The following CDK14 variants were observed in gnomAD, a reference collection of about 807,000 sequenced individuals.
The protein encoded by CDK14 is cyclin dependent kinase 14.
Under a neutral mutation model 60.7 loss-of-function variants are expected in CDK14, and 34 were observed. The observed-to-expected ratio is 0.56, with a 90% confidence interval of 0.43 to 0.75. The LOEUF (loss-of-function observed/expected upper bound fraction) is 0.75, where lower values mean the gene tolerates loss of function less well. CDK14 is among the 30% of genes least tolerant of loss of function. The pLI is 0.00. For synonymous variants in CDK14, 197 were observed against 203.7 expected, an observed-to-expected ratio of 0.97 and a Z score of 0.28; for missense variants, 482 against 564.1, an observed-to-expected ratio of 0.85 and a Z score of 1.47.
At chr7:91,112,903 A>G (rs760462501) in intron 13 of CDK14, among the ~76,000 whole-genome samples, 3 of 151,818 alleles carry the variant, frequency 2.0e-5, no homozygotes, top group Non-Finnish European at 2.9e-5. Context: ...CCATGTGTAT[A>G]TATATTTAGT....
intron 14 of CDK14, among the ~76,000 whole-genome samples, chr7:91,206,098 T>G (rs769716790): frequency 2.0e-5 from 3 of 152,032 alleles, no homozygotes; most frequent in Non-Finnish European, 2.9e-5. Flanking sequence ...CCGGCCACTA[T>G]TTTAATGGTT....
chr7:90,900,466 T>A (rs1011196908), intron 7 of CDK14, among the ~76,000 whole-genome samples: 2 of 152,198 alleles, frequency 1.3e-5, no homozygotes, highest in African/African-American at 4.8e-5. Context: ...TTTATTAATC[T>A]TGTCTATGTT....
In CDK14 at chr7:90,955,718, T is replaced by C; in HGVS notation, c.848T>C (p.Val283Ala). 1 of 1,613,408 alleles carries C rather than the reference T, an allele frequency of 6.2e-7. No homozygotes were observed. The highest frequency in any genetic ancestry group is 8.5e-7 in the Non-Finnish European group (1 of 1,179,422). The change falls in exon 9 of 15, where the codon GTC (valine) becomes GCC (alanine). Residue 283 changes from valine (V) to alanine (A), a missense_variant. Coordinates refer to ENST00000380050, the MANE Select transcript of CDK14 (RefSeq NM_001287135.2). ...ADFGLARAKSVPSHTYSNEVV... is the reference protein window; with the variant it reads ...ADFGLARAKSAPSHTYSNEVV... ...ACAGGTCTTGCAAGAGCAAAATCCG[T>C]CCCTAGCCACACATACTCCAACGAA...
intron 5 of CDK14, among the ~76,000 whole-genome samples, chr7:90,846,663 C>T (rs1484423739): frequency 6.6e-6 from 1 of 152,136 alleles, no homozygotes; most frequent in African/African-American, 2.4e-5. Context: ...TAGGTTAGGA[C>T]CAGGATCAGG....
rs544100085 is a variant in CDK14, at chr7:91,061,154, C to G, written c.1105+15194C>G. Among the ~76,000 whole-genome samples, 27 of 152,292 alleles carry G rather than the reference C, an allele frequency of 1.8e-4. No individual in the cohort carries two copies. The East Asian group carries it at 2.5e-3, about 14-fold the overall frequency. On this transcript the variant is annotated intron_variant, in intron 11 of 14. Coordinates refer to ENST00000380050, the MANE Select transcript of CDK14 (RefSeq NM_001287135.2). Reference sequence around the variant, plus strand: ...TCTTGCCTCATTTCATTCATTTGATCTTCAGTCACTGATACCCTTTCTTCC... The same window carrying G: ...TCTTGCCTCATTTCATTCATTTGATGTTCAGTCACTGATACCCTTTCTTCC...
chr7:90,878,168 A>G (rs1348773247), intron 6 of CDK14, among the ~76,000 whole-genome samples: 1 of 152,074 alleles, frequency 6.6e-6, no homozygotes, highest in Non-Finnish European at 1.5e-5. Flanking sequence ...AAACTGTCTT[A>G]TAGAGTATAT....
At chr7:90,851,484 A>G (rs899083592) in intron 5 of CDK14, among the ~76,000 whole-genome samples, 9 of 152,274 alleles carry the variant, frequency 5.9e-5, no homozygotes, top group African/African-American at 1.7e-4. Context: ...GATGTTTGCC[A>G]TAGCTCTCAG....
intron 10 of CDK14, among the ~76,000 whole-genome samples, chr7:91,033,510 C>G (rs1270837559): frequency 1.3e-5 from 2 of 152,140 alleles, no homozygotes; most frequent in African/African-American, 2.4e-5. Flanking sequence ...TGTAAACCAC[C>G]TGGGGTTCTT....
chr7:91,057,063 A>C (rs1797596064), intron 11 of CDK14, among the ~76,000 whole-genome samples: 2 of 152,110 alleles, frequency 1.3e-5, no homozygotes, highest in Non-Finnish European at 2.9e-5. Flanking sequence ...CATCCTCTCC[A>C]GCACCTGTTG....
chr7:90,760,982 C>A (rs575789883), intron 4 of CDK14, among the ~76,000 whole-genome samples: 1 of 152,178 alleles, frequency 6.6e-6, no homozygotes, highest in Non-Finnish European at 1.5e-5. Flanking sequence ...TCAGCCCTGA[C>A]GTCCTTTAGA....
intron 5 of CDK14, among the ~76,000 whole-genome samples, chr7:90,829,619 C>T (rs899555985): frequency 6.6e-6 from 1 of 151,870 alleles, no homozygotes; most frequent in African/African-American, 2.4e-5. Flanking sequence ...GCAACCTCCG[C>T]CCCCCCAGGT....
chr7:91,113,213 C>T (rs1211539689), intron 13 of CDK14, among the ~76,000 whole-genome samples: 3 of 152,170 alleles, frequency 2.0e-5, no homozygotes, highest in African/African-American at 7.2e-5. Flanking sequence ...TGCTATGCAG[C>T]GAGCTGAGGA....
At chr7:90,999,769 C>A (rs770680875) in intron 10 of CDK14, among the ~76,000 whole-genome samples, 1 of 152,056 alleles carries the variant, frequency 6.6e-6, no homozygotes, top group African/African-American at 2.4e-5. Context: ...AATGCGATAC[C>A]GTATTATCAT....
Position 90,616,996 on chromosome 7 carries a change from A to G in CDK14, c.123+12747A>G, listed in dbSNP as rs139460589. 1.4e-4 allele frequency among the ~76,000 whole-genome samples: 22 copies of G among 151,980 alleles called. No homozygotes were observed. In the East Asian group the frequency reaches 3.9e-3, roughly 27 times the overall value. Reference sequence around the variant, plus strand: ...GGTGGACTTTTTTTTCAGCTTCAAAACCTTACCTCTTATCACAATTACATG... The same window carrying G: ...GGTGGACTTTTTTTTCAGCTTCAAAGCCTTACCTCTTATCACAATTACATG... On this transcript the variant is annotated intron_variant, in intron 2 of 14. Coordinates refer to ENST00000380050, the MANE Select transcript of CDK14 (RefSeq NM_001287135.2).
intron 9 of CDK14, among the ~76,000 whole-genome samples, chr7:90,977,065 G>T (rs1247600526): frequency 6.6e-6 from 1 of 152,038 alleles, no homozygotes; most frequent in South Asian, 2.1e-4. Flanking sequence ...TTACCGTTTT[G>T]GGCCTTATGT....
intron 8 of CDK14, among the ~76,000 whole-genome samples, chr7:90,933,403 C>A (rs140631385): frequency 2.0e-5 from 3 of 151,962 alleles, no homozygotes; most frequent in African/African-American, 4.8e-5. Flanking sequence ...GATAAGGAAG[C>A]CTTATTGGTT....
rs574548536 is a variant in CDK14 at position 90,884,575 on chromosome 7, A to T, written c.640-14716A>T. Among the ~76,000 whole-genome samples, 14 of 152,276 alleles carry T rather than the reference A, an allele frequency of 9.2e-5. No homozygotes were observed. In the South Asian group the frequency reaches 2.9e-3, roughly 32 times the overall value. On this transcript the variant is annotated intron_variant, in intron 6 of 14. Transcript: ENST00000380050. ...CCACTGACATTCTTCACAGTGTTAGAATAAAACCATTTTAAATTTCATATG... is the reference window on the plus strand; with the variant it reads ...CCACTGACATTCTTCACAGTGTTAGTATAAAACCATTTTAAATTTCATATG...
At chr7:90,893,170 G>A (rs969242839) in intron 6 of CDK14, among the ~76,000 whole-genome samples, 1 of 152,056 alleles carries the variant, frequency 6.6e-6, no homozygotes, top group Non-Finnish European at 1.5e-5. Flanking sequence ...TAAAACCACC[G>A]ACTTCATGGA....
chr7:91,032,921 T>G (rs2115947926), intron 10 of CDK14, among the ~76,000 whole-genome samples: 1 of 152,376 alleles, frequency 6.6e-6, no homozygotes, highest in South Asian at 2.1e-4. Context: ...TCAATAACTT[T>G]GTCGTATTTA....
Sources: allele counts gnomAD v4.1 joint callset (sites outside exome capture counted in the v4.1 genomes callset), GRCh38; gene constraint gnomAD v4.1.1; transcripts MANE v1.5; gene names NCBI Gene and HGNC (gene_info 2026-07-23, HGNC 2026-07-21).